HFM1: variants seen among roughly 807,000 people sequenced by gnomAD.
The protein encoded by HFM1 is probable ATP-dependent DNA helicase HFM1.
HFM1 carries 169 observed loss-of-function variants against 192.1 expected under a neutral mutation model. The ratio of observed to expected loss-of-function variants is 0.88; its 90% CI spans 0.78 to 1.00. The LOEUF is 1.00. Ranked by LOEUF, HFM1 falls within the 50% of genes least tolerant of loss-of-function variation. The pLI is 0.00. For missense variants in HFM1, 1,661 were observed against 1,668.0 expected (o/e 1.00, Z 0.07); for synonymous variants, 525 against 537.8 (o/e 0.98, Z 0.33).
chr1:91,401,064 A>G lies in HFM1; in HGVS notation c.19T>C (p.Cys7Arg). Reference protein sequence around the residue: MLKSNDCLFSLENLFFE... With the variant: MLKSNDRLFSLENLFFE... ...AACAAATTTTCCAAAGAAAACAGGCAATCATTTGATTTCAGCATTGTTGAA... is the reference window on the plus strand; with the variant it reads ...AACAAATTTTCCAAAGAAAACAGGCGATCATTTGATTTCAGCATTGTTGAA... The change falls in exon 2 of 39, where the codon TGC (cysteine) becomes CGC (arginine). Residue 7 changes from cysteine (C) to arginine (R), a missense_variant. By Grantham distance (180) the Cys-to-Arg change is radical. Coordinates refer to ENST00000370425, the MANE Select transcript of HFM1 (RefSeq NM_001017975.6). 1 of 1,553,940 alleles carries G rather than the reference A, an allele frequency of 6.4e-7. No individual in the cohort carries two copies. Among genetic ancestry groups the G allele is most frequent in the South Asian group, 1.2e-5 (1 of 81,630 alleles).
At chr1:91,297,836 G>A (rs908692079) in intron 30 of HFM1, among the ~76,000 whole-genome samples, 29 of 152,142 alleles carry the variant, frequency 1.9e-4, no homozygotes, top group Non-Finnish European at 4.3e-4. Context: ...CCACAAAGAT[G>A]GGGAAAAAAC....
chr1:91,351,047 C>T (rs990778469), intron 17 of HFM1, among the ~76,000 whole-genome samples, 176 bp from the exon 18 acceptor site: 6 of 151,990 alleles, frequency 3.9e-5, no homozygotes, highest in African/African-American at 1.2e-4. Context: ...TAAAAGGCTT[C>T]AGATATACCT....
At chr1:91,378,583 G>C (rs1571177266) in intron 9 of HFM1, 103 bp from the exon 10 acceptor site, 2 of 652,300 alleles carry the variant, frequency 3.1e-6, no homozygotes, top group East Asian at 5.9e-5. Context: ...ACAAATAATA[G>C]GCAATTTTGG....
intron 30 of HFM1, among the ~76,000 whole-genome samples, chr1:91,298,137 G>A (rs382467): frequency 0.69 from 105,586 of 152,080 alleles, 36,886 homozygotes; most frequent in East Asian, 0.81. Context: ...AGTACCTGAC[G>A]AATGCACAAG....
At chr1:91,322,824 A>C (rs957272866) in intron 23 of HFM1, 126 bp downstream of exon 23, 1 of 485,164 alleles carries the variant, frequency 2.1e-6, no homozygotes, top group East Asian at 3.5e-5. Context: ...TGAGAGTTGT[A>C]AGAAATTAAT....
chr1:91,388,379 A>C (rs1193844922), intron 4 of HFM1, among the ~76,000 whole-genome samples: 1 of 152,168 alleles, frequency 6.6e-6, no homozygotes, highest in Admixed American at 6.5e-5. Flanking sequence ...TTAAGTTTCA[A>C]ATTGATTTAA....
chr1:91,345,876 C>G (rs1656064999), intron 19 of HFM1, among the ~76,000 whole-genome samples: 1 of 152,098 alleles, frequency 6.6e-6, no homozygotes, highest in African/African-American at 2.4e-5. Context: ...TAAGTTCCTC[C>G]CAGTTTATTA....
At chr1:91,397,738 T>C (rs1218675018) in intron 2 of HFM1, among the ~76,000 whole-genome samples, 1 of 152,206 alleles carries the variant, frequency 6.6e-6, no homozygotes, top group Non-Finnish European at 1.5e-5. Context: ...AGACTCAGCA[T>C]GTAGTCCTAC....
At position 91,378,037 on chromosome 1, in the gene HFM1, T is replaced by C. The variant is rs1234115306; in HGVS notation, c.1383A>G (p.Pro461=). 2 of 1,611,344 alleles carry C rather than the reference T, an allele frequency of 1.2e-6. No homozygotes were observed. The highest frequency in any genetic ancestry group is 1.3e-5 in the African/African-American group (1 of 74,784). ...AATTGTAACTCACATCCTCAGCATTTGGAATTGTTGCAGATACAGCTACAA... is the reference window on the plus strand; with the variant it reads ...AATTGTAACTCACATCCTCAGCATTCGGAATTGTTGCAGATACAGCTACAA... The part of the protein sequence containing the change: ...MRFVAVSATI[P]NAEDIAEWLS... The change falls in exon 11 of 39, where the codon CCA becomes CCG. Residue 461 remains proline, a synonymous_variant. Transcript: ENST00000370425.
At chr1:91,396,502 A>T (rs1379598359) in intron 2 of HFM1, 97 bp from the exon 3 acceptor site, 4 of 610,916 alleles carry the variant, frequency 6.5e-6, no homozygotes, top group African/African-American at 1.9e-5. Context: ...ACTCTTAAAC[A>T]TTCTATAAAT....
rs190678749 is a variant in HFM1, at chr1:91,357,244, T to C, written c.1686-3945A>G. ...GAATTCAACAACACATCAAAAAGGA[T>C]TATACACCATGGCCAAGTGGATTTA... On this transcript the variant is annotated intron_variant, in intron 13 of 38. Transcript: ENST00000370425. Among the ~76,000 whole-genome samples the C allele has an allele frequency of 8.1e-3, 1,230 of 152,172 alleles. 4 individuals carry two copies. Among genetic ancestry groups the C allele is most frequent in the Non-Finnish European group, 0.013 (898 of 67,992 alleles).
chr1:91,262,685 G>C, intron 36 of HFM1, 93 bp from the exon 37 acceptor site: 1 of 732,960 alleles, frequency 1.4e-6, no homozygotes, highest in Non-Finnish European at 2.3e-6. Context: ...TATGATCAAA[G>C]TTTATCACAT....
At chr1:91,331,502 C>CTGAAAAAGAAA (rs1158986176) in intron 20 of HFM1, among the ~76,000 whole-genome samples, 4 of 150,844 alleles carry the variant, frequency 2.7e-5, no homozygotes, top group Admixed American at 2.0e-4. Flanking sequence ...CATGAAAAAC[C>CTGAAAAAGAAA]TGAAAAAGAA....
At chr1:91,403,027 T>C (rs1350199267) in intron 1 of HFM1, among the ~76,000 whole-genome samples, 1 of 145,484 alleles carries the variant, frequency 6.9e-6, no homozygotes, top group Non-Finnish European at 1.5e-5. Flanking sequence ...AAATATCATG[T>C]ACATATTTTA....
chr1:91,312,745 G>T (rs1650652030), intron 30 of HFM1, among the ~76,000 whole-genome samples: 1 of 152,140 alleles, frequency 6.6e-6, no homozygotes, highest in Non-Finnish European at 1.5e-5. Context: ...GAGGACATGA[G>T]ATTTGGAGGG....
At chr1:91,342,853 T>A (rs1655552606) in intron 20 of HFM1, among the ~76,000 whole-genome samples, 2 of 151,982 alleles carry the variant, frequency 1.3e-5, no homozygotes. Flanking sequence ...TCTATAATAG[T>A]TATAACAGGT....
intron 36 of HFM1, among the ~76,000 whole-genome samples, chr1:91,263,873 C>T (rs1665415962): frequency 6.6e-6 from 1 of 152,170 alleles, no homozygotes; most frequent in Non-Finnish European, 1.5e-5. Flanking sequence ...TTGGTCCCTT[C>T]TAAACTCTTC....
intron 30 of HFM1, among the ~76,000 whole-genome samples, chr1:91,309,747 T>C (rs1333693654): frequency 6.6e-6 from 1 of 152,278 alleles, no homozygotes; most frequent in East Asian, 1.9e-4. Flanking sequence ...ATATAGATAA[T>C]TGAGTTTAAG....
chr1:91,284,268 AGTTTTGCCTTT>A (rs1667733472), intron 30 of HFM1, among the ~76,000 whole-genome samples: 1 of 151,024 alleles, frequency 6.6e-6, no homozygotes, highest in Non-Finnish European at 1.5e-5. Context: ...TTTGAGATAG[AGTTTTGCCTTT>A]GTTGCCCAGG....
Sources: gnomAD v4.1 joint callset for allele counts (sites outside exome capture counted in the v4.1 genomes callset) on GRCh38, gnomAD v4.1.1 for gene constraint, MANE v1.5 for transcripts, NCBI Gene and HGNC (gene_info 2026-07-23, HGNC 2026-07-21) for gene names.